The following ATP13A4 variants were observed in gnomAD, a reference collection of about 807,000 sequenced individuals.
ATP13A4 encodes the protein probable cation-transporting ATPase 13A4.
In ATP13A4, 114 loss-of-function variants were observed where a neutral mutation model predicts 142.5. The ratio of observed to expected loss-of-function variants is 0.80; its 90% confidence interval spans 0.69 to 0.93. The LOEUF (loss-of-function observed/expected upper bound fraction) is 0.93, where lower values mean the gene tolerates loss of function less well. Ranked by LOEUF, ATP13A4 falls within the 40% of genes least tolerant of loss-of-function variation. The pLI, the probability that ATP13A4 is intolerant of heterozygous loss-of-function variation, is 0.00. For missense variants in ATP13A4, 1,392 were observed against 1,454.0 expected (o/e 0.96, Z 0.69); for synonymous variants, 488 against 514.8 (o/e 0.95, Z 0.70).
At chr3:193,502,255 T>C (rs1041984272) in intron 3 of ATP13A4, among the ~76,000 whole-genome samples, 2 of 152,262 alleles carry the variant, frequency 1.3e-5, no homozygotes, top group Non-Finnish European at 2.9e-5. Flanking sequence ...ATATTAGAAA[T>C]AGACATTATT....
chr3:193,550,159 G>A (rs1723466496), intron 1 of ATP13A4, among the ~76,000 whole-genome samples: 1 of 152,160 alleles, frequency 6.6e-6, no homozygotes. Flanking sequence ...ACTGAATTAG[G>A]AGTTCGGAAG....
intron 28 of ATP13A4, among the ~76,000 whole-genome samples, chr3:193,410,183 G>C (rs1714694199): frequency 6.6e-6 from 1 of 151,934 alleles, no homozygotes; most frequent in Non-Finnish European, 1.5e-5. Flanking sequence ...AAATATAAGA[G>C]AGTTTATGAG....
At chr3:193,454,069 C>T in intron 17 of ATP13A4, 32 bp downstream of exon 17, 1 of 1,553,402 alleles carries the variant, frequency 6.4e-7, no homozygotes, top group Non-Finnish European at 8.9e-7. Context: ...TCCATCAAAC[C>T]TTTCTGCTTT....
At chr3:193,420,790 A>C (rs1715366327) in intron 25 of ATP13A4, among the ~76,000 whole-genome samples, 1 of 149,412 alleles carries the variant, frequency 6.7e-6, no homozygotes, top group Non-Finnish European at 1.5e-5. Flanking sequence ...AGAGAGTTTT[A>C]ATAGCAGACT....
intron 2 of ATP13A4, among the ~76,000 whole-genome samples, chr3:193,508,441 C>G (rs1213062088): frequency 1.3e-5 from 2 of 152,178 alleles, no homozygotes; most frequent in African/African-American, 4.8e-5. Flanking sequence ...CTCTCATCTT[C>G]CGGCTATGGG....
intron 8 of ATP13A4, among the ~76,000 whole-genome samples, chr3:193,478,188 A>T (rs1033897410): frequency 1.3e-5 from 2 of 151,986 alleles, no homozygotes; most frequent in African/African-American, 2.4e-5. Flanking sequence ...GCACAAATAG[A>T]CAATCTCAGG....
intron 2 of ATP13A4, among the ~76,000 whole-genome samples, chr3:193,580,643 T>C (rs751748066): frequency 6.6e-6 from 1 of 152,214 alleles, no homozygotes; most frequent in Non-Finnish European, 1.5e-5. Context: ...GTAGGGATTA[T>C]GTTTTTAGTC....
chr3:193,438,572 C>T lies in ATP13A4; in HGVS notation c.2575G>A (p.Ala859Thr). The change falls in exon 23 of 30, where the codon GCT (alanine) becomes ACT (threonine). Residue 859 changes from alanine to threonine, a missense_variant. Ala to Thr is a moderately conservative substitution (Grantham distance 58). Transcript: ENST00000342695. Reference sequence around the variant, plus strand: ...TCTGATAATGAGATGCCCACATGAGCCATTTTCAGAGCCTGAAAGCAAAGA... The same window carrying T: ...TCTGATAATGAGATGCCCACATGAGTCATTTTCAGAGCCTGAAAGCAAAGA... ...GANDCGALKM[A>T]HVGISLSEQE... The T allele has an allele frequency of 6.2e-7, 1 of 1,613,996 alleles. No homozygotes were observed. The highest frequency in any genetic ancestry group is 1.1e-5 in the South Asian group (1 of 91,068).
intron 18 of ATP13A4, among the ~76,000 whole-genome samples, chr3:193,445,298 T>C (rs1373741943): frequency 1.3e-5 from 2 of 151,622 alleles, no homozygotes; most frequent in Admixed American, 1.3e-4. Context: ...TAGCCAGGCG[T>C]TGTGTTGCGT....
At chr3:193,484,106 T>C (rs533560940) in intron 7 of ATP13A4, 101 bp from the exon 8 acceptor site, 2 of 1,002,912 alleles carry the variant, frequency 2.0e-6, no homozygotes, top group South Asian at 2.6e-5. Flanking sequence ...ACTGTCTTAC[T>C]GCCAGTTGAA....
chr3:193,493,281 G>T (rs1434795038), intron 3 of ATP13A4, 121 bp from the exon 4 acceptor site: 1 of 826,072 alleles, frequency 1.2e-6, no homozygotes, highest in Non-Finnish European at 1.9e-6. Context: ...ACTTATTTAA[G>T]ATTTTATCCT....
chr3:193,521,591 G>A (rs1420876874), intron 1 of ATP13A4, among the ~76,000 whole-genome samples: 4 of 152,130 alleles, frequency 2.6e-5, no homozygotes, highest in Non-Finnish European at 5.9e-5. Flanking sequence ...GTTTGTGTAC[G>A]CTACTCTAGA....
At chr3:193,467,580 T>C (rs944933684) in intron 9 of ATP13A4, 94 bp from the exon 10 acceptor site, 100 of 1,319,424 alleles carry the variant, frequency 7.6e-5, no homozygotes, top group Admixed American at 1.5e-4. Flanking sequence ...GACATTTTTT[T>C]TGTGAGCCTA....
At chr3:193,423,825 A>G (rs1301376148) in intron 25 of ATP13A4, among the ~76,000 whole-genome samples, 1 of 124,250 alleles carries the variant, frequency 8.0e-6, no homozygotes, top group African/African-American at 3.0e-5. Flanking sequence ...AGTCCTAGCC[A>G]GAGCAACTAG....
In ATP13A4 at chr3:193,440,571, A is replaced by G; in HGVS notation, c.2506T>C (p.Phe836Leu). The G allele has an allele frequency of 6.2e-7, 1 of 1,614,028 alleles. No individual in the cohort carries two copies. The change falls in exon 21 of 30, where the codon TTT becomes CTT. Residue 836 changes from phenylalanine to leucine, a missense_variant. By Grantham distance (22) the Phe-to-Leu change is conservative. Transcript: ENST00000342695. ...PGQKSSLVEE[F>L]QKLDYFVGMC... ...CAAAGAACCTACTCCAGTTTCTGAA[A>G]TTCTTCCACCAGACTGGACTTCTGC...
intron 25 of ATP13A4, among the ~76,000 whole-genome samples, chr3:193,415,750 G>A (rs1409071019): frequency 2.6e-5 from 4 of 151,344 alleles, no homozygotes; most frequent in Admixed American, 2.6e-4. Flanking sequence ...CAGTTGCCTA[G>A]GGCAAAAAAA....
chr3:193,470,831 G>T (rs1718575561), intron 9 of ATP13A4, 28 bp downstream of exon 9: 3 of 1,613,700 alleles, frequency 1.9e-6, no homozygotes, highest in Non-Finnish European at 2.5e-6. Flanking sequence ...GCCCACAGAG[G>T]TTGTCAGCTG....
Position 193,483,982 on chromosome 3 carries a change from G to A in ATP13A4, c.762C>T (p.Leu254=), listed in dbSNP as rs111773905. 135 of 1,609,718 alleles carry A rather than the reference G, an allele frequency of 8.4e-5. No individual in the cohort carries two copies. The African/African-American group carries it at 1.0e-3, about 12-fold the overall frequency. ...CCGTAATGCTATTATGTGACTCGAC[G>A]AGATGGTGGAGTTTTACAGATTGCT... ...LREQSVKLHH[L]VESHNSITVS... Residue 254 remains leucine (L), a synonymous_variant, in exon 8 of 30, where the codon CTC becomes CTT. Transcript: ENST00000342695.
chr3:193,582,613 ATT>A (rs1724576830), intron 1 of ATP13A4, among the ~76,000 whole-genome samples: 1 of 108,200 alleles, frequency 9.2e-6, no homozygotes, highest in African/African-American at 3.9e-5. Context: ...TTACATGTAT[ATT>A]ATATATGTAT....
Sources: allele counts gnomAD v4.1 joint callset (sites outside exome capture counted in the v4.1 genomes callset), GRCh38; gene constraint gnomAD v4.1.1; transcripts MANE v1.5; gene names NCBI Gene and HGNC (gene_info 2026-07-23, HGNC 2026-07-21).